ARHGAP44: variants seen among roughly 807,000 people sequenced by gnomAD.
ARHGAP44 encodes the protein Rho GTPase activating protein 44.
A neutral mutation model predicts 106.8 loss-of-function variants in ARHGAP44; 43 were observed. That is an observed-to-expected ratio of 0.40 (90% CI 0.32 to 0.52). The LOEUF (loss-of-function observed/expected upper bound fraction) is 0.52. ARHGAP44 is among the 20% of genes least tolerant of loss of function. The pLI, the probability that ARHGAP44 is intolerant of heterozygous loss-of-function variation, is 0.48. For missense variants in ARHGAP44, 866 were observed against 1,050.5 expected, an observed-to-expected ratio of 0.82 and a Z score of 2.43; for synonymous variants, 439 against 410.3, an observed-to-expected ratio of 1.07 and a Z score of -0.85.
intron 1 of ARHGAP44, among the ~76,000 whole-genome samples, chr17:12,870,013 T>G (rs72813167): frequency 1.3e-5 from 2 of 150,678 alleles, no homozygotes; most frequent in Non-Finnish European, 2.9e-5. Context: ...TACTTTTTTT[T>G]CCATCCTCAA....
At chr17:12,933,516 A>T (rs747277401) in intron 7 of ARHGAP44, among the ~76,000 whole-genome samples, 3 of 152,196 alleles carry the variant, frequency 2.0e-5, no homozygotes, top group Non-Finnish European at 2.9e-5. Flanking sequence ...CTACTTCAAG[A>T]TGAGACAAGC....
intron 17 of ARHGAP44, 114 bp from the exon 18 acceptor site, chr17:12,973,975 G>T: frequency 8.7e-7 from 1 of 1,152,834 alleles, no homozygotes; most frequent in Non-Finnish European, 1.3e-6. Context: ...CCCCCGGGGT[G>T]CTAAAGCTGC....
intron 1 of ARHGAP44, among the ~76,000 whole-genome samples, chr17:12,825,500 T>C (rs2034894663): frequency 6.6e-6 from 1 of 151,550 alleles, no homozygotes; most frequent in African/African-American, 2.4e-5. Flanking sequence ...GTTGTGGGGA[T>C]TGTTAAGCTT....
chr17:12,903,136 A>T (rs1412731043), intron 3 of ARHGAP44, among the ~76,000 whole-genome samples: 4,614 of 116,424 alleles, frequency 0.04, 118 homozygotes, highest in East Asian at 0.054. Flanking sequence ...GGAGAGAGAG[A>T]GAGAGTGTGT....
At chr17:12,902,539 G>A (rs1315213039) in intron 3 of ARHGAP44, among the ~76,000 whole-genome samples, 2 of 152,132 alleles carry the variant, frequency 1.3e-5, no homozygotes, top group Non-Finnish European at 2.9e-5. Context: ...CGTTCTCCGT[G>A]CCTAAAAAAG....
chr17:12,956,224 C>T (rs1481199348), intron 14 of ARHGAP44, among the ~76,000 whole-genome samples: 3 of 152,030 alleles, frequency 2.0e-5, no homozygotes, highest in East Asian at 1.9e-4. Context: ...CTAATTAAGT[C>T]AGCATTGGGA....
intron 1 of ARHGAP44, among the ~76,000 whole-genome samples, chr17:12,797,731 C>T (rs1351117808): frequency 6.6e-6 from 1 of 152,114 alleles, no homozygotes; most frequent in Admixed American, 6.5e-5. Flanking sequence ...TGACTGTGCT[C>T]ATTTGTTTAT....
At chr17:12,800,666 A>G (rs141824081) in intron 1 of ARHGAP44, among the ~76,000 whole-genome samples, 76 of 152,360 alleles carry the variant, frequency 5.0e-4, no homozygotes, top group African/African-American at 1.8e-3. Context: ...GTCAGGAACT[A>G]GGCTATGTAG....
At chr17:12,908,085 A>G (rs1473448220) in intron 3 of ARHGAP44, among the ~76,000 whole-genome samples, 1 of 151,340 alleles carries the variant, frequency 6.6e-6, no homozygotes, top group Non-Finnish European at 1.5e-5. Flanking sequence ...CTCTTTGGCC[A>G]TCTATCTTTT....
chr17:12,823,621 A>C (rs1383413583), intron 1 of ARHGAP44, among the ~76,000 whole-genome samples: 2 of 152,084 alleles, frequency 1.3e-5, no homozygotes, highest in Non-Finnish European at 2.9e-5. Context: ...TATATTATCA[A>C]GTATCTCTTC....
chr17:12,804,872 A>T (rs1021098816), intron 1 of ARHGAP44, among the ~76,000 whole-genome samples: 2 of 152,208 alleles, frequency 1.3e-5, no homozygotes, highest in African/African-American at 4.8e-5. Context: ...GAATAGACTC[A>T]AGAACTGTTT....
intron 1 of ARHGAP44, among the ~76,000 whole-genome samples, chr17:12,836,294 G>T (rs2035235903): frequency 6.6e-6 from 1 of 152,094 alleles, no homozygotes; most frequent in Non-Finnish European, 1.5e-5. Flanking sequence ...AAGAAAGGTG[G>T]AGTGTATTTA....
Position 12,974,262 on chromosome 17 carries a change from C to T in ARHGAP44, c.1715C>T (p.Ala572Val), listed in dbSNP as rs1015683361. Residue 572 changes from alanine to valine, a missense_variant, in exon 18 of 21, where the codon GCG (alanine) becomes GTG (valine). Ala to Val is a moderately conservative substitution (Grantham distance 64). This residue lies in a region of ARHGAP44 where 418 missense variants were observed against 403.6 expected (regional missense o/e 1.04). Coordinates refer to ENST00000379672, the MANE Select transcript of ARHGAP44 (RefSeq NM_014859.6). Reference protein sequence around the residue: ...EQPLDSPAAPALSPSGLGLQP... With the variant: ...EQPLDSPAAPVLSPSGLGLQP... ...CCCCTGGACAGCCCCGCGGCCCCCG[C>T]GCTCTCTCCATCCGGCCTGGGCCTC... 31 of 1,510,078 alleles carry T rather than the reference C, an allele frequency of 2.1e-5. No individual in the cohort carries two copies. Among genetic ancestry groups the T allele is most frequent in the Non-Finnish European group, 2.6e-5 (29 of 1,132,016 alleles). The allele number at this position is 1,510,078 out of a possible 1,614,324, so 93.5% of individuals were successfully genotyped here. A position where few individuals can be genotyped will look rare whatever the true frequency, so the allele number is the denominator to read the frequency against.
At chr17:12,968,744 T>G (rs1158815035) in intron 16 of ARHGAP44, among the ~76,000 whole-genome samples, 2 of 151,236 alleles carry the variant, frequency 1.3e-5, no homozygotes, top group African/African-American at 4.9e-5. Context: ...CCTGTTCTAT[T>G]TCTTTTTCTT....
intron 10 of ARHGAP44, among the ~76,000 whole-genome samples, chr17:12,945,341 C>T (rs1470957109): frequency 1.3e-5 from 2 of 152,112 alleles, no homozygotes; most frequent in Non-Finnish European, 1.5e-5. Context: ...TGTTTTATTG[C>T]TGTGTAAATC....
At chr17:12,967,275 TC>T (rs1491400213) in intron 16 of ARHGAP44, among the ~76,000 whole-genome samples, 2 of 123,500 alleles carry the variant, frequency 1.6e-5, no homozygotes, top group African/African-American at 6.5e-5. Context: ...TTTTTTTTTT[TC>T]CTGAGATACA....
At chr17:12,964,974 T>A (rs2143243447) in intron 16 of ARHGAP44, among the ~76,000 whole-genome samples, 1 of 152,250 alleles carries the variant, frequency 6.6e-6, no homozygotes, top group South Asian at 2.1e-4. Context: ...GTTTCCTCAG[T>A]ACCTTCCTCC....
chr17:12,830,521 G>A lies in ARHGAP44; in HGVS notation c.53+40630G>A, dbSNP rs551767994. ...TATCATAGGAGATATTTCCTAAGTCGCTCTTATGCTCTCCTTTACCTGGTA... is the reference window on the plus strand; with the variant it reads ...TATCATAGGAGATATTTCCTAAGTCACTCTTATGCTCTCCTTTACCTGGTA... On this transcript the variant is annotated intron_variant, in intron 1 of 20. Coordinates refer to ENST00000379672, the MANE Select transcript of ARHGAP44 (RefSeq NM_014859.6). 1.3e-3 allele frequency among the ~76,000 whole-genome samples: 198 copies of A among 152,142 alleles called. 1 individual carries two copies. Among genetic ancestry groups the A allele is most frequent in the South Asian group, 7.5e-3 (36 of 4,804 alleles).
intron 20 of ARHGAP44, 60 bp from the exon 21 acceptor site, chr17:12,989,972 C>T (rs1178926604): frequency 3.2e-6 from 5 of 1,582,048 alleles, no homozygotes; most frequent in Non-Finnish European, 4.3e-6. Context: ...TTGCCTACAA[C>T]TAGGTTCTCA....
Sources: allele counts gnomAD v4.1 joint callset (sites outside exome capture counted in the v4.1 genomes callset), GRCh38; gene constraint gnomAD v4.1.1; regional missense constraint gnomAD v4.1.1; transcripts MANE v1.5; gene names NCBI Gene and HGNC (gene_info 2026-07-23, HGNC 2026-07-21).